Variants in PDE2A observed in about 807,000 individuals in gnomAD.
PDE2A encodes the protein cGMP-dependent 3',5'-cyclic phosphodiesterase.
In PDE2A, 53 loss-of-function variants were observed where a neutral mutation model predicts 133.6. The ratio of observed to expected loss-of-function variants is 0.40; its 90% CI spans 0.32 to 0.50. The LOEUF (loss-of-function observed/expected upper bound fraction) is 0.50. Ranked by LOEUF, PDE2A falls within the 20% of genes least tolerant of loss-of-function variation. PDE2A has a pLI of 0.73. For synonymous variants in PDE2A, 491 were observed against 490.2 expected (o/e 1.00, Z -0.02); for missense variants, 796 against 1,232.4 (o/e 0.65, Z 5.30).
At chr11:72,581,623 A>G in intron 22 of PDE2A, 144 bp from the exon 23 acceptor site, 1 of 1,002,418 alleles carries the variant, frequency 1.0e-6, no homozygotes, top group Non-Finnish European at 1.5e-6. Context: ...GGAAGTTCCT[A>G]TGCACATCTA....
intron 1 of PDE2A, among the ~76,000 whole-genome samples, chr11:72,664,699 G>A (rs927589897): frequency 7.3e-5 from 11 of 151,390 alleles, no homozygotes; most frequent in African/African-American, 2.7e-4. Context: ...TTAAGGAGGC[G>A]ATTTGTTTAA....
intron 1 of PDE2A, among the ~76,000 whole-genome samples, chr11:72,650,876 TACAC>T (rs58905066): frequency 0.057 from 7,405 of 130,166 alleles, 270 homozygotes; most frequent in East Asian, 0.11. Context: ...CAGTCCCCAC[TACAC>T]ACACACACAC....
At chr11:72,580,078 G>A (rs1214307299) in intron 25 of PDE2A, among the ~76,000 whole-genome samples, 1 of 152,110 alleles carries the variant, frequency 6.6e-6, no homozygotes, top group African/African-American at 2.4e-5. Flanking sequence ...AGGCCTCCTG[G>A]GAGAGAGACA....
chr11:72,598,677 C>G, intron 4 of PDE2A: 1 of 1,286,082 alleles, frequency 7.8e-7, no homozygotes, highest in Non-Finnish European at 1.0e-6. Context: ...GCAAAGGTCA[C>G]ATGAGGAAAA....
intron 1 of PDE2A, chr11:72,657,993 G>C: frequency 2.2e-6 from 1 of 456,276 alleles, no homozygotes; most frequent in Non-Finnish European, 4.4e-6. Context: ...AAGAGGGAGG[G>C]AGTTCATATG....
Position 72,591,391 on chromosome 11 carries a change from T to A in PDE2A, c.490-35A>T, listed in dbSNP as rs750246505. 3 of 1,547,192 alleles carry A rather than the reference T, an allele frequency of 1.9e-6. No individual in the cohort carries two copies. The South Asian group carries it at 3.3e-5, about 17-fold the overall frequency. ...TGGGAGAAGGGAACTAGCTGTGACC[T>A]CTCTCAGTGTCTGTCTCTGCCAGAG... On this transcript the variant is annotated intron_variant, in intron 6 of 30. Transcript: ENST00000334456.
At chr11:72,630,154 G>A (rs191487205) in intron 2 of PDE2A, among the ~76,000 whole-genome samples, 78 of 152,164 alleles carry the variant, frequency 5.1e-4, no homozygotes, top group Non-Finnish European at 8.5e-4. Context: ...GGCACCCCTC[G>A]CAGGGCAGGA....
intron 6 of PDE2A, among the ~76,000 whole-genome samples, chr11:72,592,028 C>T (rs1415883643): frequency 6.6e-6 from 1 of 152,180 alleles, no homozygotes; most frequent in African/African-American, 2.4e-5. Context: ...ACCTTCCCCC[C>T]TCTAGATCCA....
chr11:72,618,251 G>T (rs466023), intron 2 of PDE2A, among the ~76,000 whole-genome samples: 2 of 152,186 alleles, frequency 1.3e-5, no homozygotes, highest in Non-Finnish European at 2.9e-5. Flanking sequence ...AGGCCTCTTC[G>T]CAGCGCCCCA....
rs770991809 is a variant in PDE2A, at chr11:72,577,449, C to T, written c.2761G>A (p.Glu921Lys). Residue 921 changes from glutamate (E) to lysine (K), a missense_variant, in exon 31 of 31, where the codon GAG (glutamate) becomes AAG (lysine). By Grantham distance (56) the Glu-to-Lys change is moderately conservative. This residue lies in a region of PDE2A where 83 missense variants were observed against 99.0 expected (regional missense o/e 0.84). Coordinates refer to ENST00000334456, the MANE Select transcript of PDE2A (RefSeq NM_002599.5). The part of the protein sequence containing the change: ...NSLDFLDEEY[E>K]VPDLDGTRAP... ...CTAGTGCCATCCAGATCAGGCACCT[C>T]GTACTCCTCATCCAGGAAGTCCAGC... The T allele has an allele frequency of 1.9e-6, 3 of 1,614,024 alleles. No homozygotes were observed. Among genetic ancestry groups the T allele is most frequent in the South Asian group, 1.1e-5 (1 of 91,084 alleles).
chr11:72,666,747 T>C (rs1855243373), intron 1 of PDE2A, among the ~76,000 whole-genome samples: 1 of 152,120 alleles, frequency 6.6e-6, no homozygotes, highest in Admixed American at 6.5e-5. Flanking sequence ...GCACTCTACA[T>C]ACATGTACAC....
rs778736529 is a variant in PDE2A, at chr11:72,577,422, C to A, written c.2788G>T (p.Ala930Ser). 2 of 1,613,820 alleles carry A rather than the reference C, an allele frequency of 1.2e-6. No individual in the cohort carries two copies. The highest frequency in any genetic ancestry group is 1.7e-6 in the Non-Finnish European group (2 of 1,179,952). ...AGGCTGCAGCAGCCATTGATGGGGG[C>A]CCTAGTGCCATCCAGATCAGGCACC... ...YEVPDLDGTR[A>S]PINGCCSLDA... Residue 930 changes from alanine to serine, a missense_variant, in exon 31 of 31, where the codon GCC (alanine) becomes TCC (serine). By Grantham distance (99) the Ala-to-Ser change is moderately conservative. Around this residue, in one of 7 missense-constraint regions of PDE2A, gnomAD observed 83 missense variants for 99.0 expected, o/e 0.84. Transcript: ENST00000334456.
chr11:72,600,253 A>C (rs1856680724), intron 4 of PDE2A, among the ~76,000 whole-genome samples: 1 of 152,176 alleles, frequency 6.6e-6, no homozygotes, highest in Non-Finnish European at 1.5e-5. Flanking sequence ...AACTCTCCAC[A>C]TAAGGAGACT....
chr11:72,577,919 C>G (rs1855540335), intron 30 of PDE2A, among the ~76,000 whole-genome samples: 2 of 152,186 alleles, frequency 1.3e-5, no homozygotes, highest in Admixed American at 6.5e-5. Flanking sequence ...TTGCAGTGAG[C>G]CAAGATCGTG....
intron 19 of PDE2A, 44 bp downstream of exon 19, chr11:72,584,157 C>T (rs747707703): frequency 6.0e-6 from 5 of 837,888 alleles, no homozygotes; most frequent in Non-Finnish European, 7.9e-6. Flanking sequence ...TTCGTGGGCC[C>T]CGCCCCCTAT....
Position 72,578,365 on chromosome 11 carries a change from G to A in PDE2A, c.2509-26C>T, listed in dbSNP as rs1855558355. ...CTGCAGGCATCGAGTCGTCAGGCCTGTCCCTCTCATTCCTCCATCGGGTAC... is the reference window on the plus strand; with the variant it reads ...CTGCAGGCATCGAGTCGTCAGGCCTATCCCTCTCATTCCTCCATCGGGTAC... On this transcript the variant is annotated intron_variant, in intron 29 of 30. Coordinates refer to ENST00000334456, the MANE Select transcript of PDE2A (RefSeq NM_002599.5). The surrounding 1 kb of genome is among the most constrained non-coding windows in gnomAD (Gnocchi z 4.2). The A allele has an allele frequency of 6.3e-7, 1 of 1,586,978 alleles. No individual in the cohort carries two copies. Among genetic ancestry groups the A allele is most frequent in the Non-Finnish European group, 8.7e-7 (1 of 1,155,398 alleles).
At position 72,578,429 on chromosome 11, in the gene PDE2A, A is replaced by G; in HGVS notation, c.2508+47T>C. ...GTTCAAGCCCTCCCTGTCCCAGGCC[A>G]GGAACCCTCCCCCATCCTGGACATC... On this transcript the variant is annotated intron_variant, in intron 29 of 30. Coordinates refer to ENST00000334456, the MANE Select transcript of PDE2A (RefSeq NM_002599.5). The surrounding 1 kb of genome is among the most constrained non-coding windows in gnomAD (Gnocchi z 4.2). The G allele has an allele frequency of 1.3e-6, 2 of 1,594,860 alleles. No individual in the cohort carries two copies. The highest frequency in any genetic ancestry group is 1.7e-6 in the Non-Finnish European group (2 of 1,162,488).
At chr11:72,625,947 C>T (rs759373731) in intron 2 of PDE2A, among the ~76,000 whole-genome samples, 31 of 152,172 alleles carry the variant, frequency 2.0e-4, no homozygotes, top group Non-Finnish European at 4.1e-4. Flanking sequence ...CCAGGCAGGA[C>T]GGTGGGGGGT....
rs752725427 is a variant in PDE2A at position 72,582,569 on chromosome 11, A to G, written c.1729-3T>C. ...TTGGTATACTCATCATCGGAGACCT[A>G]GAGGAGACCAGCCAGAGCATTAGAA... On this transcript the variant is annotated splice_region_variant and splice_polypyrimidine_tract_variant and intron_variant, in intron 20 of 30. Coordinates refer to ENST00000334456, the MANE Select transcript of PDE2A (RefSeq NM_002599.5). 23 of 1,609,788 alleles carry G rather than the reference A, an allele frequency of 1.4e-5. No individual in the cohort carries two copies. Among genetic ancestry groups the G allele is most frequent in the Non-Finnish European group, 2.0e-5 (23 of 1,177,466 alleles).
Sources: gnomAD v4.1 joint callset for allele counts (sites outside exome capture counted in the v4.1 genomes callset) on GRCh38, gnomAD v4.1.1 for gene constraint, gnomAD v4.1.1 regional missense constraint, Gnocchi (gnomAD v3.1) non-coding constraint, MANE v1.5 for transcripts, NCBI Gene and HGNC (gene_info 2026-07-23, HGNC 2026-07-21) for gene names.